LMAN2L: variants seen among roughly 807,000 people sequenced by gnomAD.
The protein encoded by LMAN2L is VIP36-like protein.
In LMAN2L, 30 loss-of-function variants were observed where a neutral mutation model predicts 44.3. That is an observed-to-expected ratio of 0.68 (90% CI 0.51 to 0.92). The LOEUF is 0.92. Among genes scored for constraint, LMAN2L ranks in the 40% least tolerant of loss-of-function variants. The pLI, the probability that LMAN2L is intolerant of heterozygous loss-of-function variation, is 0.00. For missense variants in LMAN2L, 429 were observed against 446.1 expected (o/e 0.96, Z 0.35); for synonymous variants, 183 against 171.1 (o/e 1.07, Z -0.54).
chr2:96,727,668 C>T (rs2078298193), intron 4 of LMAN2L, among the ~76,000 whole-genome samples: 2 of 152,208 alleles, frequency 1.3e-5, no homozygotes, highest in Admixed American at 1.3e-4. Context: ...GTCATGTGGA[C>T]TCTCGTGACA....
chr2:96,707,125 C>T lies in LMAN2L; in HGVS notation c.*131G>A, dbSNP rs527964058. The T allele has an allele frequency of 2.3e-5, 20 of 868,782 alleles. No individual in the cohort carries two copies. The South Asian group carries it at 3.7e-4, about 16-fold the overall frequency. The allele number at this position is 868,782 out of a possible 1,614,324, so 53.8% of individuals were successfully genotyped here. A position where few individuals can be genotyped will look rare whatever the true frequency, so the allele number is the denominator to read the frequency against. On this transcript the variant is annotated 3_prime_UTR_variant, in exon 8 of 8. Transcript: ENST00000264963. ...ATGCGGGGTCCCTGCATTCAAAACT[C>T]CAGTGACAGAATATAGTCCCCAACC...
intron 6 of LMAN2L, 50 bp downstream of exon 6, chr2:96,711,606 A>C: frequency 7.5e-6 from 9 of 1,195,076 alleles, no homozygotes; most frequent in Non-Finnish European, 1.1e-5. Flanking sequence ...AAGTGTGGGT[A>C]TTGAGAAGAG....
At chr2:96,713,259 C>T (rs1471170037) in intron 4 of LMAN2L, 3 of 788,868 alleles carry the variant, frequency 3.8e-6, no homozygotes, top group Non-Finnish European at 6.1e-6. Flanking sequence ...AACAAACCAA[C>T]TTAAATCCCC....
intron 2 of LMAN2L, 93 bp downstream of exon 2, chr2:96,737,855 CA>C (rs2078547978): frequency 2.8e-6 from 2 of 714,664 alleles, no homozygotes; most frequent in Non-Finnish European, 5.1e-6. Flanking sequence ...GATAGAATAC[CA>C]GGGGGATAGA....
Position 96,712,006 on chromosome 2 carries a change from G to A in LMAN2L, c.527C>T (p.Ser176Leu). 6.2e-7 allele frequency: 1 copy of A among 1,614,220 alleles called. No individual in the cohort carries two copies. The highest frequency in any genetic ancestry group is 8.5e-7 in the Non-Finnish European group (1 of 1,180,036). The change falls in exon 5 of 8, where the codon TCA (serine) becomes TTA (leucine). Residue 176 changes from serine to leucine, a missense_variant. Transcript: ENST00000264963. ...GAGGGAGCCGTTGTTCACCATGGCT[G>A]AGATGTAGGGGAATACCCGCTGGAA... ...KQQERVFPYI[S>L]AMVNNGSLSY...
At chr2:96,725,885 A>C (rs2078259974) in intron 4 of LMAN2L, among the ~76,000 whole-genome samples, 1 of 152,132 alleles carries the variant, frequency 6.6e-6, no homozygotes, top group Non-Finnish European at 1.5e-5. Flanking sequence ...CTGTAATCCC[A>C]GCACTTTGGG....
intron 4 of LMAN2L, among the ~76,000 whole-genome samples, chr2:96,732,791 CTTTTT>C (rs567344079): frequency 1.4e-5 from 2 of 141,904 alleles, no homozygotes; most frequent in East Asian, 4.2e-4. Flanking sequence ...TTCTTTCTTT[CTTTTT>C]TTTTTTTTTG....
chr2:96,715,085 C>T (rs1231705975), intron 4 of LMAN2L, among the ~76,000 whole-genome samples: 1 of 152,046 alleles, frequency 6.6e-6, no homozygotes, highest in African/African-American at 2.4e-5. Context: ...ATTACAGGCG[C>T]TCGCCACCAT....
rs769521116 is a variant in LMAN2L, at chr2:96,707,385, C to T, written c.918G>A (p.Leu306=). 3 of 1,611,868 alleles carry T rather than the reference C, an allele frequency of 1.9e-6. No homozygotes were observed. The part of the protein sequence containing the change: ...NMKLPEMTAP[L]PPLSGLALFL... Reference sequence around the variant, plus strand: ...AGAGGGCCAGGCCACTCAGGGGCGGCAGTGGAGCTGTCACTGAGGAAGCAA... The same window carrying T: ...AGAGGGCCAGGCCACTCAGGGGCGGTAGTGGAGCTGTCACTGAGGAAGCAA... Residue 306 remains leucine, a synonymous_variant, in exon 8 of 8, where the codon CTG becomes CTA. Coordinates refer to ENST00000264963, the MANE Select transcript of LMAN2L (RefSeq NM_030805.4).
At chr2:96,713,208 GAC>G in intron 4 of LMAN2L, 1 of 1,353,436 alleles carries the variant, frequency 7.4e-7, no homozygotes, top group Admixed American at 2.0e-5. Context: ...AAGTCAGAAA[GAC>G]ACAGCCACAG....
At chr2:96,733,996 T>C (rs982122326) in intron 3 of LMAN2L, among the ~76,000 whole-genome samples, 8 of 152,192 alleles carry the variant, frequency 5.3e-5, no homozygotes. Flanking sequence ...TCAAATCAGG[T>C]TGAGCCTGCC....
chr2:96,730,723 A>T (rs1358275095), intron 4 of LMAN2L, among the ~76,000 whole-genome samples: 1 of 151,592 alleles, frequency 6.6e-6, no homozygotes, highest in Non-Finnish European at 1.5e-5. Context: ...CCCAGGCTGG[A>T]GTGCAGTGGC....
chr2:96,717,561 C>T (rs2078065384), intron 4 of LMAN2L, among the ~76,000 whole-genome samples: 1 of 150,364 alleles, frequency 6.7e-6, no homozygotes, highest in African/African-American at 2.4e-5. Flanking sequence ...AAAGGACGGC[C>T]AGGCGCAGTA....
chr2:96,717,747 G>A (rs549443253), intron 4 of LMAN2L, among the ~76,000 whole-genome samples: 112 of 151,302 alleles, frequency 7.4e-4, no homozygotes, highest in Non-Finnish European at 1.4e-3. Flanking sequence ...GCTGAGGCAG[G>A]AGAATCGCTT....
rs1244248984 is a variant in LMAN2L at position 96,706,516 on chromosome 2, G to A, written c.*740C>T. ...CACCAACCTTTAGCCAAACTTCACT[G>A]AGGGCCTGAAGAGACTTGATTGGGA... On this transcript the variant is annotated 3_prime_UTR_variant, in exon 8 of 8. Transcript: ENST00000264963. The A allele has an allele frequency of 6.6e-6, 1 of 152,166 alleles. No homozygotes were observed. The highest frequency in any genetic ancestry group is 1.5e-5 in the Non-Finnish European group (1 of 68,042). The allele number at this position is 152,166 out of a possible 1,614,324, so 9.4% of individuals were successfully genotyped here.
At position 96,734,391 on chromosome 2, in the gene LMAN2L, AAC is replaced by A. The variant is rs772564453; in HGVS notation, c.424+16_424+17del. ...CAGGCTGTCACACCCACACAAGAGT[AAC>A]ACAGGCTCCCAATACCTGGCTGCAT... On this transcript the variant is annotated intron_variant, in intron 3 of 7. Transcript: ENST00000264963. The A allele has an allele frequency of 6.8e-7, 1 of 1,461,900 alleles. No individual in the cohort carries two copies. The highest frequency in any genetic ancestry group is 9.6e-7 in the Non-Finnish European group (1 of 1,040,920). The allele number at this position is 1,461,900 out of a possible 1,614,324, so 90.6% of individuals were successfully genotyped here. A position where few individuals can be genotyped will look rare whatever the true frequency, so the allele number is the denominator to read the frequency against.
At chr2:96,707,885 T>G (rs1176968041) in intron 6 of LMAN2L, 52 bp from the exon 7 acceptor site, 1 of 1,590,974 alleles carries the variant, frequency 6.3e-7, no homozygotes, top group African/African-American at 1.3e-5. Flanking sequence ...AAGAGGTATG[T>G]TTCTTGAAGT....
chr2:96,728,875 A>C (rs566500920), intron 4 of LMAN2L, among the ~76,000 whole-genome samples: 29 of 150,742 alleles, frequency 1.9e-4, no homozygotes, highest in African/African-American at 7.1e-4. Flanking sequence ...CCATCTCGAA[A>C]AATAAAATAA....
intron 4 of LMAN2L, among the ~76,000 whole-genome samples, chr2:96,728,164 C>G (rs2078309236): frequency 6.6e-6 from 1 of 152,190 alleles, no homozygotes; most frequent in African/African-American, 2.4e-5. Flanking sequence ...ACTTTCCATA[C>G]TCTCTGGACT....
Sources: allele counts gnomAD v4.1 joint callset (sites outside exome capture counted in the v4.1 genomes callset), GRCh38; gene constraint gnomAD v4.1.1; transcripts MANE v1.5; gene names NCBI Gene and HGNC (gene_info 2026-07-23, HGNC 2026-07-21).